The following MCPH1 variants were observed in gnomAD, a reference collection of about 807,000 sequenced individuals.
MCPH1 encodes microcephalin 1.
Under a neutral mutation model 84.5 loss-of-function variants are expected in MCPH1, and 104 were observed. The observed-to-expected ratio is 1.23, with a 90% CI of 1.05 to 1.45. MCPH1 has a LOEUF of 1.45. Among genes scored for constraint, MCPH1 ranks in the 40% most tolerant of loss-of-function variants. The pLI is 0.00. For missense variants in MCPH1, 1,498 were observed against 1,005.7 expected, an observed-to-expected ratio of 1.49 and a Z score of -6.62; for synonymous variants, 514 against 366.8, an observed-to-expected ratio of 1.40 and a Z score of -4.58.
At chr8:6,430,640 C>A (rs1374069143) in intron 3 of MCPH1, among the ~76,000 whole-genome samples, 1 of 152,164 alleles carries the variant, frequency 6.6e-6, no homozygotes, top group Admixed American at 6.5e-5. Flanking sequence ...TTTCAAATAA[C>A]TGTTCGTGTG....
intron 9 of MCPH1, among the ~76,000 whole-genome samples, chr8:6,462,924 G>T (rs1806444296): frequency 6.6e-6 from 1 of 152,154 alleles, no homozygotes; most frequent in South Asian, 2.1e-4. Context: ...ATAACTTGGA[G>T]TAGGTCTCTC....
chr8:6,504,041 G>T (rs530552842), intron 12 of MCPH1, among the ~76,000 whole-genome samples: 4 of 152,324 alleles, frequency 2.6e-5, no homozygotes, highest in African/African-American at 4.8e-5. Flanking sequence ...AGCAGGGGCC[G>T]GGCGCAGTGG....
intron 12 of MCPH1, among the ~76,000 whole-genome samples, chr8:6,587,818 A>T (rs1828116584): frequency 6.6e-6 from 1 of 152,218 alleles, no homozygotes. Flanking sequence ...ATGGTAAATT[A>T]GCAATGCCCA....
intron 12 of MCPH1, among the ~76,000 whole-genome samples, chr8:6,525,025 G>A (rs201852671): frequency 1.3e-5 from 2 of 152,312 alleles, no homozygotes; most frequent in East Asian, 3.9e-4. Context: ...TAAAATGAAG[G>A]CATTCGATTT....
At chr8:6,439,914 T>G (rs142566089) in intron 6 of MCPH1, among the ~76,000 whole-genome samples, 45 of 152,350 alleles carry the variant, frequency 3.0e-4, no homozygotes, top group African/African-American at 1.1e-3. Context: ...TATTTTAAGT[T>G]TAAGTGTTTT....
At chr8:6,503,289 AG>A (rs774505938) in intron 12 of MCPH1, 2 of 1,613,594 alleles carry the variant, frequency 1.2e-6, no homozygotes, top group Non-Finnish European at 1.7e-6. Flanking sequence ...AGAAGGAATT[AG>A]GAACTAGGTG....
chr8:6,503,821 G>T (rs989783172), intron 12 of MCPH1, among the ~76,000 whole-genome samples: 1 of 152,208 alleles, frequency 6.6e-6, no homozygotes, highest in African/African-American at 2.4e-5. Context: ...GCCAGGGCAG[G>T]AGAGGTGTCC....
At chr8:6,440,451 C>T (rs1163289525) in intron 6 of MCPH1, among the ~76,000 whole-genome samples, 1 of 152,178 alleles carries the variant, frequency 6.6e-6, no homozygotes, top group Non-Finnish European at 1.5e-5. Flanking sequence ...AGGACATGCA[C>T]TCCTGGGCTC....
intron 12 of MCPH1, among the ~76,000 whole-genome samples, chr8:6,586,468 G>C (rs554589713): frequency 1.3e-5 from 2 of 152,330 alleles, no homozygotes; most frequent in Admixed American, 6.5e-5. Flanking sequence ...GGTGCTTGCT[G>C]ATGCAGCCTC....
intron 12 of MCPH1, among the ~76,000 whole-genome samples, chr8:6,604,691 G>C (rs1829620228): frequency 6.6e-6 from 1 of 152,234 alleles, no homozygotes; most frequent in African/African-American, 2.4e-5. Context: ...TTGTAGTAGA[G>C]ACAGGGTTTC....
At chr8:6,584,202 A>C (rs1364064406) in intron 12 of MCPH1, among the ~76,000 whole-genome samples, 1 of 152,212 alleles carries the variant, frequency 6.6e-6, no homozygotes, top group Non-Finnish European at 1.5e-5. Flanking sequence ...TACACACTTT[A>C]AAAATAACAC....
chr8:6,591,134 T>C (rs947977066), intron 12 of MCPH1, among the ~76,000 whole-genome samples: 1 of 152,224 alleles, frequency 6.6e-6, no homozygotes, highest in Admixed American at 6.5e-5. Flanking sequence ...TGACCTCAGG[T>C]GATCAGCCCG....
chr8:6,458,976 C>T (rs1805987521), intron 9 of MCPH1, among the ~76,000 whole-genome samples: 2 of 152,214 alleles, frequency 1.3e-5, no homozygotes, highest in Non-Finnish European at 1.5e-5. Flanking sequence ...TATATAACTT[C>T]CCAGTAGTTT....
chr8:6,469,456 A>C (rs531932694), intron 9 of MCPH1, among the ~76,000 whole-genome samples: 4 of 152,258 alleles, frequency 2.6e-5, no homozygotes, highest in African/African-American at 9.6e-5. Context: ...ACATTTTTCC[A>C]GAATTTATCT....
chr8:6,530,377 C>T (rs1372222543), intron 12 of MCPH1, among the ~76,000 whole-genome samples: 1 of 151,936 alleles, frequency 6.6e-6, no homozygotes, highest in African/African-American at 2.4e-5. Context: ...GGTGTGGTAG[C>T]CTGCACCTGT....
intron 12 of MCPH1, among the ~76,000 whole-genome samples, chr8:6,597,801 C>T (rs1205490058): frequency 1.3e-5 from 2 of 152,314 alleles, no homozygotes; most frequent in African/African-American, 2.4e-5. Flanking sequence ...GTCTACTGTC[C>T]TTCCGTGACC....
At chr8:6,627,778 C>G (rs777492754) in intron 13 of MCPH1, among the ~76,000 whole-genome samples, 1 of 152,076 alleles carries the variant, frequency 6.6e-6, no homozygotes, top group Admixed American at 6.5e-5. Context: ...ATAGTTCCAG[C>G]TACATGAGAG....
At chr8:6,549,521 T>C (rs1000463482) in intron 12 of MCPH1, among the ~76,000 whole-genome samples, 5 of 151,812 alleles carry the variant, frequency 3.3e-5, no homozygotes, top group Non-Finnish European at 7.4e-5. Context: ...AGCTGGGCAG[T>C]CATTACACAG....
chr8:6,436,013 A>T (rs961681522), intron 4 of MCPH1, 35 bp from the exon 5 acceptor site: 22 of 1,610,464 alleles, frequency 1.4e-5, no homozygotes, highest in Non-Finnish European at 1.9e-5. Context: ...AAGCAGTTGC[A>T]GTACAGCATT....
Sources: allele counts gnomAD v4.1 joint callset (sites outside exome capture counted in the v4.1 genomes callset), GRCh38; gene constraint gnomAD v4.1.1; transcripts MANE v1.5; gene names NCBI Gene and HGNC (gene_info 2026-07-23, HGNC 2026-07-21).